PTPN3: variants seen among roughly 807,000 people sequenced by gnomAD.
PTPN3 encodes protein tyrosine phosphatase non-receptor type 3.
Under a neutral mutation model 132.7 loss-of-function variants are expected in PTPN3, and 96 were observed. The observed-to-expected ratio is 0.72, with a 90% CI of 0.61 to 0.86. The LOEUF is 0.86. Among genes scored for constraint, PTPN3 ranks in the 40% least tolerant of loss-of-function variants. The pLI is 0.00. For missense variants in PTPN3, 1,125 were observed against 1,159.6 expected (o/e 0.97, Z 0.43); for synonymous variants, 398 against 429.0 (o/e 0.93, Z 0.89).
chr9:109,476,008 G>C (rs1272798130), intron 1 of PTPN3, among the ~76,000 whole-genome samples: 1 of 152,146 alleles, frequency 6.6e-6, no homozygotes, highest in African/African-American at 2.4e-5. Context: ...GATCAGCCAG[G>C]TGACTCGCGA....
At chr9:109,413,819 T>C (rs1588369064) in intron 14 of PTPN3, among the ~76,000 whole-genome samples, 1 of 152,164 alleles carries the variant, frequency 6.6e-6, no homozygotes, top group Non-Finnish European at 1.5e-5. Flanking sequence ...AGAAAACACA[T>C]GCTTCTGAAC....
chr9:109,506,448 TTTTC>T, the PTPN3 span, among the ~76,000 whole-genome samples: 5 of 151,686 alleles, frequency 3.3e-5, no homozygotes, highest in East Asian at 1.9e-4. Context: ...CTTCCTTTAT[TTTTC>T]TTTCTTTCAT....
At chr9:109,384,618 C>G (rs1221947291) in intron 22 of PTPN3, among the ~76,000 whole-genome samples, 1 of 152,214 alleles carries the variant, frequency 6.6e-6, no homozygotes, top group Non-Finnish European at 1.5e-5. Context: ...AACTTCAGGG[C>G]TAGGCTGTCC....
At chr9:109,407,734 G>T (rs1231305437) in intron 17 of PTPN3, among the ~76,000 whole-genome samples, 2 of 152,046 alleles carry the variant, frequency 1.3e-5, no homozygotes, top group East Asian at 3.9e-4. Flanking sequence ...TTGTAGAGAT[G>T]GGTTTCACCC....
chr9:109,454,367 G>A, intron 5 of PTPN3, 129 bp downstream of exon 5: 1 of 791,026 alleles, frequency 1.3e-6, no homozygotes, highest in Admixed American at 2.2e-5. Context: ...ATTTTTACTT[G>A]GATCATCATT....
chr9:109,507,083 A>G, the PTPN3 span, among the ~76,000 whole-genome samples: 1 of 152,242 alleles, frequency 6.6e-6, no homozygotes, highest in African/African-American at 2.4e-5. Flanking sequence ...CTCTACGACC[A>G]GGGCACAACA....
chr9:109,533,234 T>C, the PTPN3 span, among the ~76,000 whole-genome samples: 2 of 143,988 alleles, frequency 1.4e-5, no homozygotes, highest in African/African-American at 2.6e-5. Context: ...AAGCTCCGCT[T>C]CCCGGGTTCA....
chr9:109,487,818 T>C (rs181743877), intron 1 of PTPN3, among the ~76,000 whole-genome samples: 1 of 152,286 alleles, frequency 6.6e-6, no homozygotes, highest in East Asian at 1.9e-4. Flanking sequence ...ATAAACTTCC[T>C]TGGATGAGAT....
intron 1 of PTPN3, among the ~76,000 whole-genome samples, chr9:109,494,631 G>C (rs1847602997): frequency 6.6e-6 from 1 of 152,126 alleles, no homozygotes. Context: ...GCTCCACAGT[G>C]TCTCCTGATG....
the PTPN3 span, among the ~76,000 whole-genome samples, chr9:109,537,132 A>T: frequency 6.6e-6 from 1 of 152,192 alleles, no homozygotes. Context: ...CCTCTGTTCT[A>T]AAAAGATTAA....
At chr9:109,451,453 T>C in intron 5 of PTPN3, 1 of 903,122 alleles carries the variant, frequency 1.1e-6, no homozygotes, top group Non-Finnish European at 1.3e-6. Context: ...AGACACACAC[T>C]GTTTATTACT....
At chr9:109,518,909 A>AG in the PTPN3 span, among the ~76,000 whole-genome samples, 1 of 152,142 alleles carries the variant, frequency 6.6e-6, no homozygotes, top group Non-Finnish European at 1.5e-5. Flanking sequence ...AATAAGAAAA[A>AG]GCATACTTTA....
chr9:109,391,250 T>A (rs1178900281), intron 20 of PTPN3, 51 bp from the exon 21 acceptor site: 25 of 1,548,430 alleles, frequency 1.6e-5, no homozygotes, highest in Admixed American at 3.6e-5. Context: ...ATTTTTATCA[T>A]ACCAAGTAAA....
chr9:109,471,980 C>T (rs909118654), intron 1 of PTPN3, among the ~76,000 whole-genome samples: 5 of 152,200 alleles, frequency 3.3e-5, no homozygotes, highest in Non-Finnish European at 7.3e-5. Context: ...GTCAGTTTTA[C>T]TGTCTACATT....
chr9:109,476,356 C>A, intron 1 of PTPN3, among the ~76,000 whole-genome samples: 1 of 147,724 alleles, frequency 6.8e-6, no homozygotes, highest in African/African-American at 2.5e-5. Flanking sequence ...ATCAAAATAA[C>A]AAGTTGTAAA....
chr9:109,425,508 C>T (rs1468928620), intron 12 of PTPN3, among the ~76,000 whole-genome samples: 2 of 151,484 alleles, frequency 1.3e-5, no homozygotes, highest in East Asian at 1.9e-4. Flanking sequence ...GTCAGGAGTT[C>T]GAGAGCAGCC....
chr9:109,469,877 C>T (rs1230338746), intron 1 of PTPN3, among the ~76,000 whole-genome samples: 1 of 152,178 alleles, frequency 6.6e-6, no homozygotes, highest in Non-Finnish European at 1.5e-5. Flanking sequence ...ACCTCCTACG[C>T]TGGCATTCAA....
intron 1 of PTPN3, among the ~76,000 whole-genome samples, chr9:109,477,364 T>C (rs142984370): frequency 3.9e-5 from 6 of 152,192 alleles, no homozygotes; most frequent in Non-Finnish European, 5.9e-5. Flanking sequence ...CATTAGAAAC[T>C]TGAGTAATGA....
At chr9:109,463,870 A>C (rs1422822416) in intron 1 of PTPN3, among the ~76,000 whole-genome samples, 1 of 152,228 alleles carries the variant, frequency 6.6e-6, no homozygotes, top group African/African-American at 2.4e-5. Context: ...ACCTCTATTC[A>C]TTGAGAGACA....
Sources: gnomAD v4.1 joint callset for allele counts (sites outside exome capture counted in the v4.1 genomes callset) on GRCh38, gnomAD v4.1.1 for gene constraint, MANE v1.5 for transcripts, NCBI Gene and HGNC (gene_info 2026-07-23, HGNC 2026-07-21) for gene names.